The following PLCH2 variants were observed in gnomAD, a reference collection of about 807,000 sequenced individuals.
The protein encoded by PLCH2 is phospholipase C eta 2.
A neutral mutation model predicts 134.7 loss-of-function variants in PLCH2; 98 were observed. That is an observed-to-expected ratio of 0.73 (90% CI 0.62 to 0.86). The LOEUF (loss-of-function observed/expected upper bound fraction) is 0.86, where lower values mean the gene tolerates loss of function less well. PLCH2 is among the 40% of genes least tolerant of loss of function. The pLI is 0.00. For synonymous variants in PLCH2, 974 were observed against 827.5 expected, an observed-to-expected ratio of 1.18 and a Z score of -3.04; for missense variants, 1,994 against 1,986.6, an observed-to-expected ratio of 1.00 and a Z score of -0.07.
At chr1:2,470,477 T>A (rs1641272133) in intron 1 of PLCH2, among the ~76,000 whole-genome samples, 1 of 152,180 alleles carries the variant, frequency 6.6e-6, no homozygotes, top group Non-Finnish European at 1.5e-5. Context: ...ACCCTCTCTG[T>A]CTGAGACTCT....
chr1:2,496,221 C>T (rs1642874016), intron 13 of PLCH2, among the ~76,000 whole-genome samples: 1 of 152,180 alleles, frequency 6.6e-6, no homozygotes, highest in Non-Finnish European at 1.5e-5. Flanking sequence ...TGTGCCGCTG[C>T]CACCCGGCCG....
intron 4 of PLCH2, among the ~76,000 whole-genome samples, chr1:2,481,599 A>C (rs1176905203): frequency 6.6e-6 from 1 of 152,240 alleles, no homozygotes; most frequent in African/African-American, 2.4e-5. Context: ...TGGGGCCTGA[A>C]GGTCCAACCA....
At chr1:2,465,380 C>T (rs1007725095), upstream of PLCH2, among the ~76,000 whole-genome samples, 2 of 152,238 alleles carry the variant, frequency 1.3e-5, no homozygotes, top group Non-Finnish European at 2.9e-5. Flanking sequence ...GCCCTCCACC[C>T]TCCGGCCAAG....
At chr1:2,433,005 G>A (rs1639142311) in intron 2 of PLCH2, among the ~76,000 whole-genome samples, 1 of 152,222 alleles carries the variant, frequency 6.6e-6, no homozygotes, top group African/African-American at 2.4e-5. Context: ...AGCTTCAAGT[G>A]CCCACCCTTT....
At chr1:2,461,250 G>A (rs1298673105) in intron 2 of PLCH2, among the ~76,000 whole-genome samples, 2 of 152,304 alleles carry the variant, frequency 1.3e-5, no homozygotes, top group East Asian at 3.9e-4. Context: ...GGGCAGCCAG[G>A]GCAGTGCCTG....
chr1:2,428,622 C>T (rs1386355676), intron 1 of PLCH2, among the ~76,000 whole-genome samples: 3 of 152,266 alleles, frequency 2.0e-5, no homozygotes, highest in African/African-American at 2.4e-5. Flanking sequence ...CCAGCCCCAG[C>T]GGAGCCCACG....
chr1:2,494,909 C>A lies in PLCH2; in HGVS notation c.1713C>A (p.Arg571=), dbSNP rs1159373752. 2 of 1,604,836 alleles carry A rather than the reference C, an allele frequency of 1.2e-6. No homozygotes were observed. Among genetic ancestry groups the A allele is most frequent in the Admixed American group, 3.4e-5 (2 of 59,190 alleles). The change falls in exon 12 of 22, where the codon CGC becomes CGA. Residue 571 remains arginine, a synonymous_variant. Coordinates refer to ENST00000378486, the MANE Select transcript of PLCH2 (RefSeq NM_014638.4). ...GGGAGGATGCCGGGGCCAGCAGACG[C>A]AATGGCCGCCTCGTCGTGGGAAGCT... ...ESGEDAGASR[R]NGRLVVGSFS...
In PLCH2 at chr1:2,494,596, C is replaced by A; in HGVS notation, c.1660-260C>A. The stretch of plus-strand genomic sequence containing the variant: ...TGAGAGACGCTGAGGCAGGTGTGAG[C>A]GAATGTTTCCACCGGGGCCTGACTT... On this transcript the variant is annotated intron_variant, in intron 11 of 21. Transcript: ENST00000378486. The A allele has an allele frequency of 5.2e-6, 3 of 575,800 alleles. No homozygotes were observed. The East Asian group carries it at 8.8e-5, about 17-fold the overall frequency. 35.7% of individuals were successfully genotyped at this position (575,800 alleles called of 1,614,324 possible). A position where few individuals can be genotyped will look rare whatever the true frequency, so the allele number is the denominator to read the frequency against.
chr1:2,455,526 C>T (rs1213410503), intron 2 of PLCH2, among the ~76,000 whole-genome samples: 2 of 152,174 alleles, frequency 1.3e-5, no homozygotes, highest in South Asian at 2.1e-4. Flanking sequence ...GCTGGCAGCC[C>T]GCCTTCCTGC....
At position 2,504,886 on chromosome 1, in the gene PLCH2, C is replaced by A. The variant is rs1008997918; in HGVS notation, c.3924C>A (p.Val1308=). Reference sequence around the variant, plus strand: ...CAGAGCAGCTGCGCTGGCTCACTGTCTTCCAGCAGGCAGGAGACATCACGT... The same window carrying A: ...CAGAGCAGCTGCGCTGGCTCACTGTATTCCAGCAGGCAGGAGACATCACGT... The part of the protein sequence containing the change: ...TLTEQLRWLT[V]FQQAGDITSP... The change falls in exon 22 of 22, where the codon GTC becomes GTA. Residue 1308 remains valine, a synonymous_variant. Transcript: ENST00000378486. 1.3e-6 allele frequency: 2 copies of A among 1,590,274 alleles called. No homozygotes were observed. The highest frequency in any genetic ancestry group is 1.7e-6 in the Non-Finnish European group (2 of 1,167,974).
chr1:2,426,395 T>C (rs1638797298), intron 1 of PLCH2, among the ~76,000 whole-genome samples: 1 of 152,294 alleles, frequency 6.6e-6, no homozygotes, highest in South Asian at 2.1e-4. Context: ...TAACACTGAG[T>C]GGGGCTCCGG....
chr1:2,437,952 C>G (rs59220895), intron 2 of PLCH2, among the ~76,000 whole-genome samples: 7,728 of 152,330 alleles, frequency 0.051, 317 homozygotes, highest in East Asian at 0.18. Flanking sequence ...CTTCCACGAT[C>G]TGGCCCTTGC....
intron 2 of PLCH2, among the ~76,000 whole-genome samples, chr1:2,449,993 C>T (rs1229133639): frequency 6.6e-6 from 1 of 152,218 alleles, no homozygotes; most frequent in Non-Finnish European, 1.5e-5. Context: ...AAGCTCAGCC[C>T]TGGGGAAGTG....
At chr1:2,484,132 G>A (rs1015444568) in intron 4 of PLCH2, among the ~76,000 whole-genome samples, 4 of 152,126 alleles carry the variant, frequency 2.6e-5, no homozygotes, top group Non-Finnish European at 4.4e-5. Flanking sequence ...GTTGACTCCC[G>A]TATGGGTGAT....
chr1:2,418,516 C>T, the PLCH2 span, among the ~76,000 whole-genome samples: 7 of 152,354 alleles, frequency 4.6e-5, no homozygotes, highest in East Asian at 1.9e-4. Context: ...CTCCCTCGGA[C>T]GGCTGAATGG....
intron 1 of PLCH2, 117 bp downstream of exon 1, chr1:2,476,829 G>T (rs968721877): frequency 1.0e-5 from 11 of 1,084,314 alleles, no homozygotes; most frequent in African/African-American, 1.6e-5. Flanking sequence ...TCCTGCACTC[G>T]CCTCCCCTGT....
chr1:2,464,533 C>A (rs1041246999), upstream of PLCH2, among the ~76,000 whole-genome samples: 1 of 152,192 alleles, frequency 6.6e-6, no homozygotes, highest in Non-Finnish European at 1.5e-5. Flanking sequence ...GGGGCAGGGG[C>A]CACCTAAATG....
chr1:2,458,031 C>T (rs1362980391), intron 2 of PLCH2, among the ~76,000 whole-genome samples: 1 of 152,130 alleles, frequency 6.6e-6, no homozygotes, highest in African/African-American at 2.4e-5. Context: ...GGGCGCTGGG[C>T]TCACTGGTGC....
intron 1 of PLCH2, among the ~76,000 whole-genome samples, chr1:2,469,727 T>C (rs1641236431): frequency 6.6e-6 from 1 of 152,240 alleles, no homozygotes; most frequent in African/African-American, 2.4e-5. Flanking sequence ...ACTGCATACG[T>C]GGGCTCCCAC....
Sources: gnomAD v4.1 joint callset for allele counts (sites outside exome capture counted in the v4.1 genomes callset) on GRCh38, gnomAD v4.1.1 for gene constraint, MANE v1.5 for transcripts, NCBI Gene and HGNC (gene_info 2026-07-23, HGNC 2026-07-21) for gene names.